NELL2: variants seen among roughly 807,000 people sequenced by gnomAD.
NELL2 encodes protein kinase C-binding protein NELL2.
In NELL2, 41 loss-of-function variants were observed where a neutral mutation model predicts 109.6. That is an observed-to-expected ratio of 0.37 (90% CI 0.29 to 0.49). The LOEUF (loss-of-function observed/expected upper bound fraction) is 0.49, where lower values mean the gene tolerates loss of function less well. NELL2 is among the 20% of genes least tolerant of loss of function. The probability of loss-of-function intolerance (pLI) is 0.98; values close to 1 mark genes in which losing one functional copy is unlikely to be tolerated. For missense variants in NELL2, 900 were observed against 1,008.3 expected (o/e 0.89, Z 1.45); for synonymous variants, 355 against 344.7 (o/e 1.03, Z -0.33).
chr12:44,613,361 G>A (rs1945697614), intron 13 of NELL2, among the ~76,000 whole-genome samples: 1 of 151,954 alleles, frequency 6.6e-6, no homozygotes. Context: ...ATTCAAAGAA[G>A]GTTTCTTAAA....
intron 3 of NELL2, among the ~76,000 whole-genome samples, chr12:44,785,976 CT>C (rs1336027119): frequency 3.9e-5 from 6 of 151,910 alleles, no homozygotes; most frequent in Non-Finnish European, 1.5e-5. Context: ...CGGGCAAAGA[CT>C]TCATGACTAA....
intron 15 of NELL2, among the ~76,000 whole-genome samples, chr12:44,560,569 A>T (rs538631483): frequency 6.6e-6 from 1 of 152,324 alleles, no homozygotes; most frequent in South Asian, 2.1e-4. Context: ...CAAATAAACT[A>T]GAAAATCTAG....
chr12:44,517,033 CTTTAT>C (rs1941298966), intron 19 of NELL2, among the ~76,000 whole-genome samples: 1 of 148,542 alleles, frequency 6.7e-6, no homozygotes, highest in African/African-American at 2.5e-5. Context: ...ATTATATTTT[CTTTAT>C]TTTAATTTAT....
At chr12:44,587,939 C>T (rs1592163553) in intron 15 of NELL2, among the ~76,000 whole-genome samples, 1 of 152,098 alleles carries the variant, frequency 6.6e-6, no homozygotes, top group Non-Finnish European at 1.5e-5. Flanking sequence ...ATCACGAGGT[C>T]AGGAGATAGA....
intron 1 of NELL2, among the ~76,000 whole-genome samples, chr12:44,898,360 G>A (rs1945619506): frequency 6.6e-6 from 1 of 152,188 alleles, no homozygotes; most frequent in Non-Finnish European, 1.5e-5. Flanking sequence ...GAGAGCTCCG[G>A]CTGGCATCTG....
At chr12:44,510,783 C>G (rs1940964079) in intron 19 of NELL2, among the ~76,000 whole-genome samples, 1 of 152,172 alleles carries the variant, frequency 6.6e-6, no homozygotes, top group South Asian at 2.1e-4. Context: ...TTGTAGAACT[C>G]AGCTGTGCCC....
At chr12:44,760,772 A>G (rs547398204) in intron 9 of NELL2, among the ~76,000 whole-genome samples, 1 of 152,252 alleles carries the variant, frequency 6.6e-6, no homozygotes, top group East Asian at 1.9e-4. Context: ...ATTTAAAATA[A>G]AAAAAGAAGG....
In NELL2 at chr12:44,760,746, A is replaced by G. The variant is rs189083208; in HGVS notation, c.994+14001T>C. Among the ~76,000 whole-genome samples the G allele has an allele frequency of 8.8e-4, 134 of 152,276 alleles. 1 individual carries two copies. Among genetic ancestry groups the G allele is most frequent in the African/African-American group, 3.1e-3 (129 of 41,570 alleles). ...ATTATCTCATGTACACAAAAAATAA[A>G]TCCCAGGTTGTTTAAATTTAAAATA... On this transcript the variant is annotated intron_variant, in intron 9 of 19. Coordinates refer to ENST00000429094, the MANE Select transcript of NELL2 (RefSeq NM_001145108.2).
rs11182598 is a variant in NELL2, at chr12:44,648,805, G to A, written c.1444+16679C>T. On this transcript the variant is annotated intron_variant, in intron 13 of 19. Coordinates refer to ENST00000429094, the MANE Select transcript of NELL2 (RefSeq NM_001145108.2). ...GGCTGGAGTGCAGTGGCGTGATCTC[G>A]GCTCACTGCAACCTCCGCCTCCCAG... Among the ~76,000 whole-genome samples the A allele has an allele frequency of 1.2e-3, 165 of 140,268 alleles. 1 individual carries two copies. The East Asian group carries it at 0.025, about 21-fold the overall frequency. 92.0% of individuals were successfully genotyped at this position (140,268 alleles called of 152,430 possible). A position where few individuals can be genotyped will look rare whatever the true frequency, so the allele number is the denominator to read the frequency against.
chr12:44,619,610 AGAG>A (rs75673644), intron 13 of NELL2, among the ~76,000 whole-genome samples: 20,009 of 152,018 alleles, frequency 0.13, 1,789 homozygotes, highest in East Asian at 0.35. Flanking sequence ...AAGAGGAGAA[AGAG>A]GAGAAGAATG....
intron 1 of NELL2, among the ~76,000 whole-genome samples, chr12:44,899,140 G>GGGAA (rs775528239): frequency 7.6e-4 from 115 of 152,124 alleles, no homozygotes; most frequent in Non-Finnish European, 1.2e-3. Flanking sequence ...ACATTTGACT[G>GGGAA]GTGTACTTGA....
chr12:44,704,913 G>A (rs977122829), intron 11 of NELL2, among the ~76,000 whole-genome samples: 1 of 151,752 alleles, frequency 6.6e-6, no homozygotes, highest in African/African-American at 2.4e-5. Context: ...CAGTTACTCT[G>A]GAGGCTGAGG....
chr12:44,702,857 C>T (rs1007476150), intron 12 of NELL2, among the ~76,000 whole-genome samples: 4 of 152,104 alleles, frequency 2.6e-5, no homozygotes, highest in Non-Finnish European at 5.9e-5. Flanking sequence ...AAGTTGGTTT[C>T]CCGAGAGCCA....
intron 2 of NELL2, among the ~76,000 whole-genome samples, chr12:44,856,740 G>A (rs1944695688): frequency 6.6e-6 from 1 of 152,156 alleles, no homozygotes; most frequent in African/African-American, 2.4e-5. Flanking sequence ...GAGTGGGAGT[G>A]TGCAGGTAAG....
At chr12:44,780,075 T>C (rs1122352) in intron 3 of NELL2, 53 bp from the exon 4 acceptor site, 49 of 1,580,148 alleles carry the variant, frequency 3.1e-5, no homozygotes, top group Middle Eastern at 1.7e-4. Context: ...TCAAAAACGA[T>C]TGAAGTGATC....
chr12:44,873,149 AT>A (rs1032645088), intron 2 of NELL2, among the ~76,000 whole-genome samples: 22 of 152,204 alleles, frequency 1.4e-4, no homozygotes, highest in Non-Finnish European at 2.4e-4. Context: ...TTGCTGATTG[AT>A]TGGTTATATT....
intron 13 of NELL2, among the ~76,000 whole-genome samples, chr12:44,630,286 A>C (rs1385388230): frequency 6.6e-6 from 1 of 152,196 alleles, no homozygotes; most frequent in Non-Finnish European, 1.5e-5. Flanking sequence ...ATGAAATAGT[A>C]TTGTTAACCC....
At chr12:44,894,134 C>T (rs1161352444) in intron 1 of NELL2, among the ~76,000 whole-genome samples, 2 of 152,122 alleles carry the variant, frequency 1.3e-5, no homozygotes, top group East Asian at 1.9e-4. Context: ...TAAGTTTAGT[C>T]ATCCATAATC....
At chr12:44,535,834 T>C (rs906321924) in intron 15 of NELL2, among the ~76,000 whole-genome samples, 2 of 151,916 alleles carry the variant, frequency 1.3e-5, no homozygotes, top group African/African-American at 4.8e-5. Flanking sequence ...CAATATACAA[T>C]ATAGGGTAAT....
Sources: gnomAD v4.1 joint callset for allele counts (sites outside exome capture counted in the v4.1 genomes callset) on GRCh38, gnomAD v4.1.1 for gene constraint, MANE v1.5 for transcripts, NCBI Gene and HGNC (gene_info 2026-07-23, HGNC 2026-07-21) for gene names.